KCNQ5: variants seen among roughly 807,000 people sequenced by gnomAD.
KCNQ5 encodes the protein potassium voltage-gated channel subfamily Q member 5.
KCNQ5 carries 30 observed loss-of-function variants against 98.2 expected under a neutral mutation model. The ratio of observed to expected loss-of-function variants is 0.31; its 90% CI spans 0.23 to 0.41. The LOEUF (loss-of-function observed/expected upper bound fraction) is 0.41. Ranked by LOEUF, KCNQ5 falls within the 10% of genes least tolerant of loss-of-function variation. KCNQ5 has a pLI of 1.00. For synonymous variants in KCNQ5, 458 were observed against 449.4 expected (o/e 1.02, Z -0.24); for missense variants, 835 against 1,182.5 (o/e 0.71, Z 4.31).
intron 11 of KCNQ5, among the ~76,000 whole-genome samples, chr6:73,173,353 T>G (rs1275075278): frequency 6.6e-6 from 1 of 152,192 alleles, no homozygotes; most frequent in Non-Finnish European, 1.5e-5. Context: ...AATTAGTTCC[T>G]AAATGGAAAG....
intron 1 of KCNQ5, among the ~76,000 whole-genome samples, chr6:72,774,477 A>G (rs1188897626): frequency 6.6e-6 from 1 of 152,198 alleles, no homozygotes; most frequent in Non-Finnish European, 1.5e-5. Flanking sequence ...GATGTGCTAT[A>G]TTAGATTACA....
Position 72,738,488 on chromosome 6 carries a change from C to T in KCNQ5, c.398+115901C>T, listed in dbSNP as rs538503179. 1.3e-3 allele frequency among the ~76,000 whole-genome samples: 203 copies of T among 152,054 alleles called. 1 individual carries two copies. The highest frequency in any genetic ancestry group is 2.6e-3 in the Non-Finnish European group (174 of 67,992). On this transcript the variant is annotated intron_variant, in intron 1 of 13. Transcript: ENST00000370398. ...TTTTTAGTATATCTAAAACAGTATG[C>T]GAATAAACTGGTAAGACTTTCAGTT...
chr6:72,868,369 A>C (rs1778076409), intron 1 of KCNQ5, among the ~76,000 whole-genome samples: 1 of 152,192 alleles, frequency 6.6e-6, no homozygotes, highest in East Asian at 1.9e-4. Flanking sequence ...TTCCTCAAAA[A>C]CTAGTGGCCT....
chr6:72,831,706 T>C lies in KCNQ5; in HGVS notation c.399-172202T>C, dbSNP rs368589835. 1.4e-4 allele frequency among the ~76,000 whole-genome samples: 21 copies of C among 150,726 alleles called. No individual in the cohort carries two copies. The East Asian group carries it at 4.1e-3, about 29-fold the overall frequency. ...AACAAACCTGCACATTGTGCACATGTACCCTAGAACTTAAAGTATAATTTA... is the reference window on the plus strand; with the variant it reads ...AACAAACCTGCACATTGTGCACATGCACCCTAGAACTTAAAGTATAATTTA... On this transcript the variant is annotated intron_variant, in intron 1 of 13. Coordinates refer to ENST00000370398, the MANE Select transcript of KCNQ5 (RefSeq NM_019842.4).
intron 1 of KCNQ5, among the ~76,000 whole-genome samples, chr6:72,765,718 T>G (rs2154477209): frequency 6.6e-6 from 1 of 152,144 alleles, no homozygotes; most frequent in East Asian, 1.9e-4. Context: ...TTAGATTATA[T>G]TATAAGCCTG....
At chr6:73,164,803 A>G (rs1024703804) in intron 10 of KCNQ5, among the ~76,000 whole-genome samples, 5 of 152,200 alleles carry the variant, frequency 3.3e-5, no homozygotes, top group Admixed American at 2.6e-4. Flanking sequence ...TACAGAAATT[A>G]TTAATATAGG....
Position 72,769,371 on chromosome 6 carries a change from A to C in KCNQ5, c.398+146784A>C, listed in dbSNP as rs114900756. Among the ~76,000 whole-genome samples the C allele has an allele frequency of 9.2e-3, 1,402 of 152,244 alleles. 18 individuals are homozygous for C. Among genetic ancestry groups the C allele is most frequent in the African/African-American group, 0.03 (1,258 of 41,568 alleles). On this transcript the variant is annotated intron_variant, in intron 1 of 13. Coordinates refer to ENST00000370398, the MANE Select transcript of KCNQ5 (RefSeq NM_019842.4). Reference sequence around the variant, plus strand: ...AAGTATCAAAATAAATCTAAGCATGATCAAATACAAAATCATAGATACATC... The same window carrying C: ...AAGTATCAAAATAAATCTAAGCATGCTCAAATACAAAATCATAGATACATC...
chr6:73,103,032 G>T (rs1157852198), intron 5 of KCNQ5, among the ~76,000 whole-genome samples: 1 of 152,150 alleles, frequency 6.6e-6, no homozygotes, highest in Admixed American at 6.5e-5. Context: ...ATACACAATG[G>T]CCAAGATTTG....
At chr6:73,134,069 A>G (rs1582419922) in intron 10 of KCNQ5, 5 of 457,864 alleles carry the variant, frequency 1.1e-5, no homozygotes, top group Admixed American at 4.8e-5. Context: ...CTGGTCAACA[A>G]TGAAGGTGCT....
chr6:72,879,019 T>C (rs1361882406), intron 1 of KCNQ5, among the ~76,000 whole-genome samples: 2 of 152,176 alleles, frequency 1.3e-5, no homozygotes, highest in African/African-American at 4.8e-5. Flanking sequence ...TCAAGAAACA[T>C]TATATTTCTT....
At chr6:73,150,652 C>T (rs1777112463) in intron 10 of KCNQ5, among the ~76,000 whole-genome samples, 1 of 150,906 alleles carries the variant, frequency 6.6e-6, no homozygotes, top group African/African-American at 2.4e-5. Context: ...GTGGCACATA[C>T]ATGCTATGGA....
chr6:72,803,519 C>A (rs1041205590), intron 1 of KCNQ5, among the ~76,000 whole-genome samples: 1 of 152,086 alleles, frequency 6.6e-6, no homozygotes, highest in Non-Finnish European at 1.5e-5. Context: ...GTGTCCACAC[C>A]AGAATATTCC....
At chr6:72,763,588 G>A (rs1772400332) in intron 1 of KCNQ5, among the ~76,000 whole-genome samples, 1 of 151,960 alleles carries the variant, frequency 6.6e-6, no homozygotes, top group Admixed American at 6.6e-5. Context: ...TAATACCTTA[G>A]TATTTGAAAA....
At chr6:72,947,246 A>G (rs924930064) in intron 1 of KCNQ5, among the ~76,000 whole-genome samples, 2 of 152,206 alleles carry the variant, frequency 1.3e-5, no homozygotes, top group Admixed American at 6.5e-5. Flanking sequence ...AGCTTTGAAT[A>G]TGAAATAGGC....
intron 11 of KCNQ5, among the ~76,000 whole-genome samples, chr6:73,177,352 A>T (rs1177726027): frequency 3.3e-5 from 5 of 152,254 alleles, no homozygotes; most frequent in Non-Finnish European, 7.3e-5. Context: ...AAAATAGCTC[A>T]GATCTGATCA....
intron 1 of KCNQ5, among the ~76,000 whole-genome samples, chr6:72,953,305 C>A (rs1437290956): frequency 1.3e-5 from 2 of 152,172 alleles, no homozygotes; most frequent in African/African-American, 4.8e-5. Context: ...TAGCTACAAA[C>A]CAAGATTTCT....
chr6:72,964,510 A>G (rs769175274), intron 1 of KCNQ5, among the ~76,000 whole-genome samples: 8 of 152,244 alleles, frequency 5.3e-5, no homozygotes, highest in Non-Finnish European at 1.2e-4. Context: ...TATATGAACT[A>G]TAAATACCTT....
intron 1 of KCNQ5, among the ~76,000 whole-genome samples, chr6:72,675,413 G>T (rs938484360): frequency 2.0e-5 from 3 of 152,220 alleles, no homozygotes; most frequent in Non-Finnish European, 4.4e-5. Context: ...TGGAATTGAA[G>T]TAATATTTAA....
At chr6:72,835,525 TCA>T (rs1403438554) in intron 1 of KCNQ5, among the ~76,000 whole-genome samples, 3 of 152,124 alleles carry the variant, frequency 2.0e-5, no homozygotes, top group African/African-American at 7.2e-5. Context: ...GAAATTTCAC[TCA>T]CTATTTTTAT....
Sources: gnomAD v4.1 joint callset for allele counts (sites outside exome capture counted in the v4.1 genomes callset) on GRCh38, gnomAD v4.1.1 for gene constraint, MANE v1.5 for transcripts, NCBI Gene and HGNC (gene_info 2026-07-23, HGNC 2026-07-21) for gene names.